ALOX5AP: variants seen among roughly 807,000 people sequenced by gnomAD.
ALOX5AP encodes arachidonate 5-lipoxygenase activating protein.
A neutral mutation model predicts 18.5 loss-of-function variants in ALOX5AP; 9 were observed. The ratio of observed to expected loss-of-function variants is 0.49; its 90% CI spans 0.29 to 0.85. The LOEUF (loss-of-function observed/expected upper bound fraction) is 0.85. Ranked by LOEUF, ALOX5AP falls within the 40% of genes least tolerant of loss-of-function variation. ALOX5AP has a pLI of 0.08. For synonymous variants in ALOX5AP, 81 were observed against 78.6 expected, an observed-to-expected ratio of 1.03 and a Z score of -0.16; for missense variants, 172 against 202.5, an observed-to-expected ratio of 0.85 and a Z score of 0.91.
rs191097237 is a variant in ALOX5AP at position 30,742,774 on chromosome 13, C to T, written c.71-1286C>T. ...AGGAACCCTGTGGTTGGATCCCTGA[C>T]AATCACATGTATCCCTTTTTTCACT... On this transcript the variant is annotated intron_variant, in intron 1 of 4. Transcript: ENST00000380490. 2.0e-5 allele frequency among the ~76,000 whole-genome samples: 3 copies of T among 152,080 alleles called. No individual in the cohort carries two copies. In the East Asian group the frequency reaches 5.8e-4, roughly 29 times the overall value.
At chr13:30,745,821 C>A (rs1951804919) in intron 2 of ALOX5AP, among the ~76,000 whole-genome samples, 1 of 152,156 alleles carries the variant, frequency 6.6e-6, no homozygotes, top group African/African-American at 2.4e-5. Flanking sequence ...AAAACTTCTC[C>A]CCAGACGAAA....
chr13:30,741,391 C>CTTTTTTTTTTT (rs34793607), intron 1 of ALOX5AP, among the ~76,000 whole-genome samples: 12 of 128,770 alleles, frequency 9.3e-5, no homozygotes, highest in Non-Finnish European at 1.1e-4. Flanking sequence ...CTTGTTTTGT[C>CTTTTTTTTTTT]TTTTTTTTTT....
intron 1 of ALOX5AP, among the ~76,000 whole-genome samples, chr13:30,724,007 T>C (rs568221348): frequency 6.6e-6 from 1 of 151,100 alleles, no homozygotes; most frequent in African/African-American, 2.4e-5. Flanking sequence ...CTGACAAATG[T>C]GAACAACCAT....
At chr13:30,757,301 A>G (rs760623527) in intron 4 of ALOX5AP, among the ~76,000 whole-genome samples, 40 of 152,204 alleles carry the variant, frequency 2.6e-4, no homozygotes, top group Non-Finnish European at 4.8e-4. Flanking sequence ...TGTGAAGCTC[A>G]AGGACTTGAC....
At chr13:30,731,995 T>A (rs900224149), upstream of ALOX5AP, among the ~76,000 whole-genome samples, 1 of 152,226 alleles carries the variant, frequency 6.6e-6, no homozygotes, top group African/African-American at 2.4e-5. Flanking sequence ...AGGCTTCACC[T>A]CTGATAAGTG....
Position 30,718,009 on chromosome 13 carries a change from G to A in ALOX5AP, c.116+4168G>A, listed in dbSNP as rs1951562988. 1.3e-5 allele frequency among the ~76,000 whole-genome samples: 2 copies of A among 151,458 alleles called. 1 individual carries two copies. The highest frequency in any genetic ancestry group is 4.2e-4 in the South Asian group (2 of 4,792). Reference sequence around the variant, plus strand: ...AGTTTCACTCTTGTTGCCCAGGGTGGAGTGCAATGGCACAATCTCAGCTCA... The same window carrying A: ...AGTTTCACTCTTGTTGCCCAGGGTGAAGTGCAATGGCACAATCTCAGCTCA... On this transcript the variant is annotated intron_variant, in intron 1 of 5. Coordinates refer to the ALOX5AP transcript ENST00000617770.
chr13:30,757,047 T>C (rs961697622), intron 4 of ALOX5AP, among the ~76,000 whole-genome samples: 3 of 152,162 alleles, frequency 2.0e-5, no homozygotes, highest in Admixed American at 2.0e-4. Flanking sequence ...CAATTCCTAA[T>C]GCACTAGTAT....
At chr13:30,747,366 G>A (rs1487537913) in intron 2 of ALOX5AP, among the ~76,000 whole-genome samples, 1 of 152,108 alleles carries the variant, frequency 6.6e-6, no homozygotes, top group Non-Finnish European at 1.5e-5. Flanking sequence ...TAGTAGAGAC[G>A]GGGTTTCACC....
chr13:30,764,146 A>T lies in ALOX5AP; in HGVS notation c.*40A>T. 1 of 1,590,394 alleles carries T rather than the reference A, an allele frequency of 6.3e-7. No individual in the cohort carries two copies. The highest frequency in any genetic ancestry group is 1.1e-5 in the South Asian group (1 of 88,744). On this transcript the variant is annotated 3_prime_UTR_variant, in exon 5 of 5. Transcript: ENST00000380490. ...TGGGGTTGGTGTTCTCATCTAATCA[A>T]TACCTACAAGTCATCATAATTCAGC...
Position 30,764,154 on chromosome 13 carries a change from A to G in ALOX5AP, c.*48A>G. 1 of 1,565,078 alleles carries G rather than the reference A, an allele frequency of 6.4e-7. No individual in the cohort carries two copies. The highest frequency in any genetic ancestry group is 2.3e-5 in the East Asian group (1 of 44,254). Reference sequence around the variant, plus strand: ...GTGTTCTCATCTAATCAATACCTACAAGTCATCATAATTCAGCTCTTGAGA... The same window carrying G: ...GTGTTCTCATCTAATCAATACCTACGAGTCATCATAATTCAGCTCTTGAGA... On this transcript the variant is annotated 3_prime_UTR_variant, in exon 5 of 5. Transcript: ENST00000380490.
chr13:30,713,868 G>A (rs778190651), intron 1 of ALOX5AP: 23 of 1,479,550 alleles, frequency 1.6e-5, no homozygotes, highest in Admixed American at 4.0e-5. Flanking sequence ...GCGCACACGC[G>A]CATGTGTGTG....
At chr13:30,732,938 G>A (rs1028449310), upstream of ALOX5AP, among the ~76,000 whole-genome samples, 3 of 151,962 alleles carry the variant, frequency 2.0e-5, no homozygotes, top group South Asian at 2.1e-4. Flanking sequence ...GGCAGATCAC[G>A]AGGTCAGGAG....
At chr13:30,743,157 T>C (rs1026250326) in intron 1 of ALOX5AP, among the ~76,000 whole-genome samples, 34 of 152,010 alleles carry the variant, frequency 2.2e-4, no homozygotes, top group Admixed American at 2.0e-4. Flanking sequence ...CAGGGGCAAA[T>C]CTCAATGGTC....
chr13:30,735,459 A>AT, upstream of ALOX5AP: 10 of 1,073,692 alleles, frequency 9.3e-6, no homozygotes, highest in Non-Finnish European at 1.2e-5. Flanking sequence ...AAAAAAAAAA[A>AT]GGAAGAAGAA....
At chr13:30,754,846 G>T (rs570488642) in intron 3 of ALOX5AP, among the ~76,000 whole-genome samples, 1 of 152,304 alleles carries the variant, frequency 6.6e-6, no homozygotes, top group African/African-American at 2.4e-5. Context: ...AAATTTCCTC[G>T]TCTGTCAAAT....
intron 3 of ALOX5AP, among the ~76,000 whole-genome samples, chr13:30,755,471 T>C (rs572527734): frequency 6.6e-6 from 1 of 152,250 alleles, no homozygotes; most frequent in East Asian, 1.9e-4. Flanking sequence ...GTACTAGTTA[T>C]GTTGAAAGGA....
chr13:30,740,438 C>T (rs942621566), intron 1 of ALOX5AP, among the ~76,000 whole-genome samples: 28 of 152,204 alleles, frequency 1.8e-4, no homozygotes, highest in African/African-American at 5.8e-4. Context: ...TGCCTCACAA[C>T]GGTTTGCAGC....
chr13:30,737,499 A>T (rs1183347435), intron 1 of ALOX5AP, among the ~76,000 whole-genome samples: 2 of 152,150 alleles, frequency 1.3e-5, no homozygotes, highest in African/African-American at 4.8e-5. Flanking sequence ...AGATGGCCAA[A>T]TGTCTGAGTC....
At chr13:30,736,784 A>G (rs1951725514) in intron 1 of ALOX5AP, among the ~76,000 whole-genome samples, 2 of 152,214 alleles carry the variant, frequency 1.3e-5, no homozygotes, top group South Asian at 4.1e-4. Flanking sequence ...ACATTTTTAT[A>G]CTAAATTACA....
Sources: allele counts gnomAD v4.1 joint callset (sites outside exome capture counted in the v4.1 genomes callset), GRCh38; gene constraint gnomAD v4.1.1; transcripts MANE v1.5; gene names NCBI Gene and HGNC (gene_info 2026-07-23, HGNC 2026-07-21).